The following FILIP1 variants were observed in gnomAD, a reference collection of about 807,000 sequenced individuals.
FILIP1 encodes the protein filamin A interacting protein 1, also known as filamin-A-interacting protein 1.
FILIP1 carries 61 observed loss-of-function variants against 102.1 expected under a neutral mutation model. That is an observed-to-expected ratio of 0.60 (90% CI 0.49 to 0.74). The LOEUF (loss-of-function observed/expected upper bound fraction) is 0.74, where lower values mean the gene tolerates loss of function less well. FILIP1 is among the 30% of genes least tolerant of loss of function. The probability of loss-of-function intolerance (pLI) is 0.00; values close to 1 mark genes in which losing one functional copy is unlikely to be tolerated. For missense variants in FILIP1, 1,314 were observed against 1,441.2 expected (o/e 0.91, Z 1.43); for synonymous variants, 491 against 526.9 (o/e 0.93, Z 0.93).
chr6:75,435,153 T>C (rs952316836), intron 1 of FILIP1, among the ~76,000 whole-genome samples: 4 of 152,204 alleles, frequency 2.6e-5, no homozygotes, highest in African/African-American at 9.7e-5. Context: ...TTCTCTTCTT[T>C]TGTTGTGTCT....
chr6:75,418,364 T>C (rs1398207450), intron 1 of FILIP1, among the ~76,000 whole-genome samples: 1 of 152,236 alleles, frequency 6.6e-6, no homozygotes, highest in East Asian at 1.9e-4. Flanking sequence ...ATTAACCTTC[T>C]GCAGAACTTC....
rs552856190 is a variant in FILIP1, at chr6:75,477,276, T to C, written c.-7+16138A>G. On this transcript the variant is annotated intron_variant, in intron 1 of 5. Transcript: ENST00000237172. ...ATGATGGTTACCGGACGCTTGGAGT[T>C]GGGGAGAGGGAGGGAATGGGAGTTG... is the stretch of plus-strand genomic sequence containing the variant. 1.4e-4 allele frequency among the ~76,000 whole-genome samples: 21 copies of C among 152,184 alleles called. No individual in the cohort carries two copies. In the South Asian group the frequency reaches 4.0e-3, roughly 29 times the overall value.
chr6:75,405,081 G>C (rs903208297), intron 2 of FILIP1, among the ~76,000 whole-genome samples: 1 of 152,120 alleles, frequency 6.6e-6, no homozygotes, highest in Non-Finnish European at 1.5e-5. Context: ...CAGAACATAG[G>C]AAATGTCCCC....
At chr6:75,467,746 A>G (rs1055433768) in intron 1 of FILIP1, among the ~76,000 whole-genome samples, 1 of 152,208 alleles carries the variant, frequency 6.6e-6, no homozygotes, top group Non-Finnish European at 1.5e-5. Context: ...TTGAGAAGAC[A>G]TTGGAAGACA....
At chr6:75,337,647 T>C (rs1289871331) in intron 4 of FILIP1, among the ~76,000 whole-genome samples, 1 of 152,144 alleles carries the variant, frequency 6.6e-6, no homozygotes, top group Non-Finnish European at 1.5e-5. Context: ...CTAGAAGCAC[T>C]GCACTTGCCT....
At chr6:75,478,312 G>A (rs941192074) in intron 1 of FILIP1, among the ~76,000 whole-genome samples, 2 of 152,170 alleles carry the variant, frequency 1.3e-5, no homozygotes, top group Non-Finnish European at 2.9e-5. Flanking sequence ...ACAAGATCTT[G>A]AGTGAGATTT....
intron 1 of FILIP1, among the ~76,000 whole-genome samples, chr6:75,446,102 C>T (rs1778437104): frequency 6.6e-6 from 1 of 152,116 alleles, no homozygotes; most frequent in African/African-American, 2.4e-5. Flanking sequence ...TTTCAAAACT[C>T]ACAAAATTTT....
Position 75,313,711 on chromosome 6 carries a change from T to C in FILIP1, c.2121A>G (p.Arg707=), listed in dbSNP as rs1773304984. Reference sequence around the variant, plus strand: ...TAGCTTCTTCCAACCGAAATCTGTGTCTCAGTTCAGCTTCCTGGCTCACAA... The same window carrying C: ...TAGCTTCTTCCAACCGAAATCTGTGCCTCAGTTCAGCTTCCTGGCTCACAA... The part of the protein sequence containing the change: ...GEVVSQEAEL[R]HRFRLEEAKS... Residue 707 remains arginine, a synonymous_variant, in exon 5 of 6, where the codon AGA becomes AGG. Coordinates refer to ENST00000237172, the MANE Select transcript of FILIP1 (RefSeq NM_015687.5). The surrounding 1 kb of genome is among the most constrained non-coding windows in gnomAD (Gnocchi z 4.2). 1 of 1,564,528 alleles carries C rather than the reference T, an allele frequency of 6.4e-7. No individual in the cohort carries two copies. The highest frequency in any genetic ancestry group is 1.4e-5 in the African/African-American group (1 of 73,010).
intron 1 of FILIP1, among the ~76,000 whole-genome samples, chr6:75,463,103 G>C (rs1779070683): frequency 6.6e-6 from 1 of 152,168 alleles, no homozygotes; most frequent in African/African-American, 2.4e-5. Flanking sequence ...AGATTAGCAA[G>C]AAAGGACATA....
At position 75,314,677 on chromosome 6, in the gene FILIP1, C is replaced by T. The variant is rs1430106066; in HGVS notation, c.1155G>A (p.Lys385=). Residue 385 remains lysine (K), a synonymous_variant, in exon 5 of 6, where the codon AAG becomes AAA. Coordinates refer to ENST00000237172, the MANE Select transcript of FILIP1 (RefSeq NM_015687.5). ...SLMAEVENLR[K]RVLEMEGKDE... ...CTTTACCTTCCATTTCAAGCACACG[C>T]TTTCGAAGATTTTCCACTTCTGCCA... 1.2e-6 allele frequency: 2 copies of T among 1,613,706 alleles called. No homozygotes were observed. Among genetic ancestry groups the T allele is most frequent in the African/African-American group, 1.3e-5 (1 of 74,892 alleles).
intron 2 of FILIP1, among the ~76,000 whole-genome samples, chr6:75,403,872 T>G (rs1776743988): frequency 6.6e-6 from 1 of 152,182 alleles, no homozygotes; most frequent in African/African-American, 2.4e-5. Context: ...TTGGCAGCAG[T>G]TATCCAGTTA....
chr6:75,314,423 A>G lies in FILIP1; in HGVS notation c.1409T>C (p.Leu470Ser). 6.4e-7 allele frequency: 1 copy of G among 1,558,044 alleles called. No individual in the cohort carries two copies. The highest frequency in any genetic ancestry group is 8.6e-7 in the Non-Finnish European group (1 of 1,159,562). The change falls in exon 5 of 6, where the codon TTG (leucine) becomes TCG (serine). Residue 470 changes from leucine to serine, a missense_variant. By Grantham distance (145) the Leu-to-Ser change is moderately radical. This residue lies in a region of FILIP1 where 816 missense variants were observed against 913.1 expected (regional missense o/e 0.89). Transcript: ENST00000237172. ...KNLTKDLLNE[L>S]EVVKSRVKEL... ...TTTAACTCGACTCTTGACCACCTCC[A>G]ATTCATTTAGCAGGTCTTTGGTTAA...
At chr6:75,444,794 A>G (rs1305633851) in intron 1 of FILIP1, among the ~76,000 whole-genome samples, 1 of 152,194 alleles carries the variant, frequency 6.6e-6, no homozygotes, top group Non-Finnish European at 1.5e-5. Context: ...GCTCCTGTGT[A>G]TATGTGTATT....
At chr6:75,393,596 T>C (rs979985554) in intron 2 of FILIP1, among the ~76,000 whole-genome samples, 14 of 152,184 alleles carry the variant, frequency 9.2e-5, no homozygotes, top group African/African-American at 3.4e-4. Context: ...GATAAATCTT[T>C]GGAGTAAACT....
intron 2 of FILIP1, among the ~76,000 whole-genome samples, chr6:75,390,386 T>A (rs1776245910): frequency 6.6e-6 from 1 of 152,184 alleles, no homozygotes; most frequent in African/African-American, 2.4e-5. Flanking sequence ...GGTAAAGAAA[T>A]ATCTGAGACT....
intron 1 of FILIP1, among the ~76,000 whole-genome samples, chr6:75,492,743 A>C (rs1780001061): frequency 6.6e-6 from 1 of 152,238 alleles, no homozygotes; most frequent in African/African-American, 2.4e-5. Flanking sequence ...ATCTAAATAC[A>C]AGTATTGATT....
At chr6:75,390,653 A>G (rs1296749444) in intron 2 of FILIP1, among the ~76,000 whole-genome samples, 2 of 152,174 alleles carry the variant, frequency 1.3e-5, no homozygotes, top group Non-Finnish European at 2.9e-5. Flanking sequence ...TAAACCATTC[A>G]TGAGAAATCC....
chr6:75,429,888 C>A (rs1777768453), intron 1 of FILIP1, among the ~76,000 whole-genome samples: 1 of 152,212 alleles, frequency 6.6e-6, no homozygotes, highest in South Asian at 2.1e-4. Flanking sequence ...TACTGCATAA[C>A]AAGCACACCA....
chr6:75,411,456 C>T (rs1041861782), intron 2 of FILIP1, among the ~76,000 whole-genome samples: 11 of 152,090 alleles, frequency 7.2e-5, no homozygotes, highest in Admixed American at 6.5e-4. Context: ...CTTTTGTTGC[C>T]ATTGCTTTTG....
Sources: gnomAD v4.1 joint callset for allele counts (sites outside exome capture counted in the v4.1 genomes callset) on GRCh38, gnomAD v4.1.1 for gene constraint, gnomAD v4.1.1 regional missense constraint, Gnocchi (gnomAD v3.1) non-coding constraint, MANE v1.5 for transcripts, NCBI Gene and HGNC (gene_info 2026-07-23, HGNC 2026-07-21) for gene names.